The following ZNF385D variants were observed in gnomAD, a reference collection of about 807,000 sequenced individuals.
ZNF385D encodes the protein zinc finger protein 385D.
In ZNF385D, 15 loss-of-function variants were observed where a neutral mutation model predicts 35.8. The observed-to-expected ratio is 0.42, with a 90% confidence interval of 0.28 to 0.64. ZNF385D has a LOEUF of 0.64. Among genes scored for constraint, ZNF385D ranks in the 30% least tolerant of loss-of-function variants. ZNF385D has a pLI of 0.23. For missense variants in ZNF385D, 474 were observed against 494.6 expected, an observed-to-expected ratio of 0.96 and a Z score of 0.39; for synonymous variants, 212 against 186.8, an observed-to-expected ratio of 1.13 and a Z score of -1.10.
rs191511797 is a variant in ZNF385D, at chr3:21,973,353, G to C, written c.325+195464C>G. On this transcript the variant is annotated intron_variant, in intron 3 of 5. Transcript: ENST00000494108. ...TTCACTTGATGGTAAAAAAGCATTT[G>C]CTACATTTTAACATTCCTTCATAAT... Among the ~76,000 whole-genome samples the C allele has an allele frequency of 2.5e-3, 386 of 151,978 alleles. 2 individuals are homozygous for C. The highest frequency in any genetic ancestry group is 8.9e-3 in the African/African-American group (369 of 41,524).
intron 3 of ZNF385D, among the ~76,000 whole-genome samples, chr3:22,061,396 C>T (rs1303095292): frequency 6.6e-6 from 1 of 152,120 alleles, no homozygotes; most frequent in Non-Finnish European, 1.5e-5. Flanking sequence ...GACATTGTTA[C>T]CCCTAGATTA....
Position 22,307,050 on chromosome 3 carries a change from T to C in ZNF385D, c.106+65400A>G, listed in dbSNP as rs115890189. 5.1e-3 allele frequency among the ~76,000 whole-genome samples: 774 copies of C among 152,236 alleles called. 3 individuals carry two copies. Among genetic ancestry groups the C allele is most frequent in the African/African-American group, 0.018 (736 of 41,536 alleles). The stretch of plus-strand genomic sequence containing the variant: ...GAGGGGATTTACTCTGAAATTCACA[T>C]AGAGAAACAACTTTTTTATTCCTCT... On this transcript the variant is annotated intron_variant, in intron 2 of 5. Coordinates refer to the ZNF385D transcript ENST00000494108.
intron 3 of ZNF385D, among the ~76,000 whole-genome samples, chr3:21,902,230 G>A (rs17010033): frequency 1.1e-4 from 16 of 152,168 alleles, no homozygotes; most frequent in Admixed American, 2.6e-4. Context: ...GCTCTCAATG[G>A]TCATCATGGT....
chr3:21,760,713 C>CA (rs532920653), intron 3 of ZNF385D, among the ~76,000 whole-genome samples: 157 of 152,214 alleles, frequency 1.0e-3, no homozygotes, highest in African/African-American at 3.4e-3. Flanking sequence ...ATATAGAATA[C>CA]AATTCATAAG....
intron 3 of ZNF385D, among the ~76,000 whole-genome samples, chr3:21,940,198 T>C (rs905676021): frequency 1.3e-5 from 2 of 152,174 alleles, no homozygotes; most frequent in Admixed American, 6.5e-5. Flanking sequence ...TATTCCTTTT[T>C]TCAACATATG....
intron 1 of ZNF385D, among the ~76,000 whole-genome samples, chr3:21,678,432 A>G (rs1209335098): frequency 1.3e-5 from 2 of 152,092 alleles, no homozygotes; most frequent in Non-Finnish European, 1.5e-5. Context: ...CCTCACAGCT[A>G]TTCTTCTTTA....
At chr3:22,078,018 T>C (rs532689080) in intron 3 of ZNF385D, among the ~76,000 whole-genome samples, 1 of 152,066 alleles carries the variant, frequency 6.6e-6, no homozygotes, top group Non-Finnish European at 1.5e-5. Context: ...ATCATGTATT[T>C]TTATTGGATT....
chr3:21,847,784 T>C (rs1417911803), intron 3 of ZNF385D, among the ~76,000 whole-genome samples: 1 of 152,054 alleles, frequency 6.6e-6, no homozygotes, highest in Non-Finnish European at 1.5e-5. Flanking sequence ...GCAATCAGTA[T>C]TCTCTCATAT....
chr3:21,421,281 G>A lies in ZNF385D; in HGVS notation c.1121C>T (p.Ala374Val). 1.2e-6 allele frequency: 2 copies of A among 1,614,110 alleles called. No individual in the cohort carries two copies. Among genetic ancestry groups the A allele is most frequent in the Non-Finnish European group, 1.7e-6 (2 of 1,180,018 alleles). Residue 374 changes from alanine (A) to valine (V), a missense_variant, in exon 8 of 8, where the codon GCA becomes GTA. Coordinates refer to ENST00000281523, the MANE Select transcript of ZNF385D (RefSeq NM_024697.3). ...TLFQTSALPP[A>V]LLRPAPGPIR... ...GGGTCCAGGAGCTGGCCGCAGGAGTGCCGGAGGAAGCGCGGAAGTCTGGAA... is the reference window on the plus strand; with the variant it reads ...GGGTCCAGGAGCTGGCCGCAGGAGTACCGGAGGAAGCGCGGAAGTCTGGAA...
chr3:22,030,276 T>C (rs865836709), intron 3 of ZNF385D, among the ~76,000 whole-genome samples: 9 of 103,584 alleles, frequency 8.7e-5, no homozygotes, highest in East Asian at 5.8e-4. Context: ...TATATATATA[T>C]ATATATATAT....
chr3:21,484,422 C>G lies in ZNF385D; in HGVS notation c.439+26439G>C, dbSNP rs529733268. On this transcript the variant is annotated intron_variant, in intron 4 of 7. Transcript: ENST00000281523. ...ACAAGCTGGGCATCTTTCGAAGAAG[C>G]TATCTGCACCGCAGGAGTCTGGTCA... is the stretch of plus-strand genomic sequence containing the variant. 3.9e-5 allele frequency among the ~76,000 whole-genome samples: 6 copies of G among 152,326 alleles called. No individual in the cohort carries two copies. The East Asian group carries it at 1.2e-3, about 29-fold the overall frequency.
intron 3 of ZNF385D, among the ~76,000 whole-genome samples, chr3:21,920,202 C>T (rs1047185789): frequency 1.3e-5 from 2 of 152,026 alleles, no homozygotes; most frequent in African/African-American, 4.8e-5. Context: ...GTATACTGAC[C>T]CCTGATTTAT....
At chr3:21,589,223 G>A (rs1352736024) in intron 2 of ZNF385D, among the ~76,000 whole-genome samples, 1 of 152,164 alleles carries the variant, frequency 6.6e-6, no homozygotes, top group Non-Finnish European at 1.5e-5. Context: ...AGGAAGTACA[G>A]AAGGGAGCAT....
intron 3 of ZNF385D, among the ~76,000 whole-genome samples, chr3:21,930,731 G>A (rs150480409): frequency 1.3e-5 from 2 of 152,212 alleles, no homozygotes; most frequent in East Asian, 1.9e-4. Flanking sequence ...AGGAATGATA[G>A]TCTTCCCAAC....
chr3:21,569,389 G>A (rs2063254874), intron 2 of ZNF385D, among the ~76,000 whole-genome samples: 1 of 150,188 alleles, frequency 6.7e-6, no homozygotes, highest in Non-Finnish European at 1.5e-5. Flanking sequence ...TGCAACCCCT[G>A]CCTTTTTTTG....
At chr3:21,566,963 G>A (rs905278632) in intron 2 of ZNF385D, among the ~76,000 whole-genome samples, 9 of 152,094 alleles carry the variant, frequency 5.9e-5, no homozygotes, top group African/African-American at 1.4e-4. Context: ...GGTGATTTGT[G>A]TCTGGAATCT....
At chr3:22,018,829 A>AT (rs1013350049) in intron 3 of ZNF385D, among the ~76,000 whole-genome samples, 1 of 151,904 alleles carries the variant, frequency 6.6e-6, no homozygotes, top group Non-Finnish European at 1.5e-5. Flanking sequence ...TGATCCAGCT[A>AT]TTTCACAGAA....
At chr3:22,353,286 G>T (rs1205109417) in intron 2 of ZNF385D, among the ~76,000 whole-genome samples, 1 of 152,158 alleles carries the variant, frequency 6.6e-6, no homozygotes, top group Admixed American at 6.6e-5. Context: ...CAGAAGCACA[G>T]GCTGTGCCCT....
chr3:21,561,240 C>T (rs1452141722), intron 3 of ZNF385D, among the ~76,000 whole-genome samples: 1 of 152,160 alleles, frequency 6.6e-6, no homozygotes, highest in Non-Finnish European at 1.5e-5. Flanking sequence ...AAACAGCCAC[C>T]CAGTTTTGTG....
Sources: gnomAD v4.1 joint callset for allele counts (sites outside exome capture counted in the v4.1 genomes callset) on GRCh38, gnomAD v4.1.1 for gene constraint, MANE v1.5 for transcripts, NCBI Gene and HGNC (gene_info 2026-07-23, HGNC 2026-07-21) for gene names.